Variants in EXOC3L2 observed in about 807,000 individuals in gnomAD.
EXOC3L2 encodes exocyst complex component 3-like protein 2.
A neutral mutation model predicts 44.4 loss-of-function variants in EXOC3L2; 17 were observed. That is an observed-to-expected ratio of 0.38 (90% CI 0.26 to 0.57). The LOEUF is 0.57. Ranked by LOEUF, EXOC3L2 falls within the 20% of genes least tolerant of loss-of-function variation. The probability of loss-of-function intolerance (pLI) is 0.65; values close to 1 mark genes in which losing one functional copy is unlikely to be tolerated. For missense variants in EXOC3L2, 541 were observed against 588.4 expected (o/e 0.92, Z 0.83); for synonymous variants, 256 against 253.7 (o/e 1.01, Z -0.09).
intron 4 of EXOC3L2, 89 bp downstream of exon 4, chr19:45,231,674 G>T: frequency 8.8e-7 from 1 of 1,132,148 alleles, no homozygotes; most frequent in Non-Finnish European, 1.3e-6. Context: ...TGGAAAGAGT[G>T]AAAGGTGGAG....
At chr19:45,217,503 C>T in intron 10 of EXOC3L2, 25 bp downstream of exon 10, 1 of 1,560,814 alleles carries the variant, frequency 6.4e-7, no homozygotes, top group Non-Finnish European at 8.6e-7. Context: ...TTCTGAAACA[C>T]CCCCAACCGC....
intron 8 of EXOC3L2, 34 bp from the exon 9 acceptor site, chr19:45,218,353 T>TTGCCC: frequency 2.0e-6 from 3 of 1,495,094 alleles, no homozygotes; most frequent in Non-Finnish European, 1.8e-6. Flanking sequence ...CACGCTCTCC[T>TTGCCC]CCCTCCCACC....
chr19:45,237,575 A>C (rs1296832964), intron 2 of EXOC3L2, among the ~76,000 whole-genome samples: 1 of 152,144 alleles, frequency 6.6e-6, no homozygotes, highest in African/African-American at 2.4e-5. Context: ...TCTCAGATAG[A>C]GACTGATGGT....
chr19:45,229,312 G>A (rs1452194323), intron 4 of EXOC3L2, among the ~76,000 whole-genome samples: 4 of 117,258 alleles, frequency 3.4e-5, no homozygotes, highest in African/African-American at 1.1e-4. Flanking sequence ...ATATATTTAT[G>A]TATTAAATAT....
At chr19:45,231,053 C>T (rs1970026138) in intron 4 of EXOC3L2, among the ~76,000 whole-genome samples, 1 of 151,966 alleles carries the variant, frequency 6.6e-6, no homozygotes, top group Non-Finnish European at 1.5e-5. Flanking sequence ...CATGCCACTG[C>T]ACTCCAGCCT....
chr19:45,236,382 C>T (rs991069018), intron 2 of EXOC3L2, among the ~76,000 whole-genome samples: 1 of 139,864 alleles, frequency 7.1e-6, no homozygotes, highest in African/African-American at 2.6e-5. Context: ...AGGAGAATTG[C>T]TTGAACCCAG....
At chr19:45,216,674 A>C (rs1364359110) in intron 10 of EXOC3L2, 1 of 153,102 alleles carries the variant, frequency 6.5e-6, no homozygotes, top group African/African-American at 2.4e-5. Context: ...ATCTCCTCCC[A>C]GTTTTGCAGG....
intron 1 of EXOC3L2, among the ~76,000 whole-genome samples, chr19:45,239,890 C>T (rs1970116910): frequency 6.6e-6 from 1 of 151,978 alleles, no homozygotes; most frequent in African/African-American, 2.4e-5. Flanking sequence ...GGAAGGCTCC[C>T]TCCCAAGATG....
chr19:45,231,905 T>G, intron 3 of EXOC3L2, 31 bp from the exon 4 acceptor site: 1 of 1,500,634 alleles, frequency 6.7e-7, no homozygotes. Flanking sequence ...AAAGGAGGTC[T>G]GTGAAAAGTG....
intron 7 of EXOC3L2, among the ~76,000 whole-genome samples, chr19:45,225,988 C>T (rs1414618419): frequency 6.6e-6 from 1 of 152,160 alleles, no homozygotes; most frequent in Non-Finnish European, 1.5e-5. Flanking sequence ...CACTTCTGCC[C>T]TTTCCTTCAA....
intron 4 of EXOC3L2, among the ~76,000 whole-genome samples, chr19:45,231,457 CAA>C (rs34610401): frequency 3.2e-3 from 198 of 61,252 alleles, no homozygotes; most frequent in Admixed American, 8.3e-3. Flanking sequence ...GACCCTGCCT[CAA>C]AAAAAAAAAA....
chr19:45,217,402 G>A, intron 10 of EXOC3L2, 126 bp downstream of exon 10: 4 of 1,218,594 alleles, frequency 3.3e-6, no homozygotes, highest in South Asian at 1.8e-5. Context: ...CTATTGACCC[G>A]AAGTTGGGTG....
At chr19:45,240,015 C>G (rs1180377988) in intron 1 of EXOC3L2, among the ~76,000 whole-genome samples, 1 of 151,998 alleles carries the variant, frequency 6.6e-6, no homozygotes, top group Non-Finnish European at 1.5e-5. Context: ...TTCATTTCTC[C>G]TGTTTGATTT....
chr19:45,236,465 C>CAAAA (rs34024056), intron 2 of EXOC3L2, among the ~76,000 whole-genome samples: 660 of 44,950 alleles, frequency 0.015, 52 homozygotes, highest in Non-Finnish European at 0.021. Flanking sequence ...GACTCCATCT[C>CAAAA]AAAAAAAAAA....
rs1970102382 is a variant in EXOC3L2 at position 45,238,458 on chromosome 19, C to G, written c.523+65G>C. 1 of 399,454 alleles carries G rather than the reference C, an allele frequency of 2.5e-6. No individual in the cohort carries two copies. Among genetic ancestry groups the G allele is most frequent in the Non-Finnish European group, 4.4e-6 (1 of 226,168 alleles). 24.7% of individuals were successfully genotyped at this position (399,454 alleles called of 1,614,324 possible). A position where few individuals can be genotyped will look rare whatever the true frequency, so the allele number is the denominator to read the frequency against. Reference sequence around the variant, plus strand: ...GGCTTAAGTATGAAGCCTGGGACCACCAGGGCTGGGGATGGACATGGGCAC... The same window carrying G: ...GGCTTAAGTATGAAGCCTGGGACCAGCAGGGCTGGGGATGGACATGGGCAC... On this transcript the variant is annotated intron_variant, in intron 2 of 11. Coordinates refer to ENST00000413988, the MANE Select transcript of EXOC3L2 (RefSeq NM_001382422.1). This position sits in a 1 kb window ranked among gnomAD's most constrained non-coding sequence, Gnocchi z 5.5.
rs375095520 is a variant in EXOC3L2 at position 45,213,285 on chromosome 19, G to C, written c.2193C>G (p.Ala731=). The change falls in exon 12 of 12, where the codon GCC becomes GCG. Residue 731 remains alanine (A), a synonymous_variant. Transcript: ENST00000413988. ...RNTAARQEIL[A]VARDLELSEE... is the part of the protein sequence containing the mutation. ...CAGAGAGTTCCAGGTCCCGGGCCAC[G>C]GCCAGGATCTCCTGGCGGGCGGCTG... The C allele has an allele frequency of 1.5e-5, 25 of 1,613,648 alleles. No individual in the cohort carries two copies. Among genetic ancestry groups the C allele is most frequent in the Admixed American group, 3.3e-5 (2 of 59,952 alleles).
rs764208057 is a variant in EXOC3L2 at position 45,231,870 on chromosome 19, C to A, written c.1162G>T (p.Val388Phe). The change falls in exon 4 of 12, where the codon GTC (valine) becomes TTC (phenylalanine). Residue 388 changes from valine to phenylalanine, a missense_variant. Physicochemically the swap from Val to Phe is conservative, Grantham distance 50. Coordinates refer to ENST00000413988, the MANE Select transcript of EXOC3L2 (RefSeq NM_001382422.1). ...HWHNQVYPRE[V>F]LGLVDMAALE... is the part of the protein sequence containing the mutation. ...GCGGCCATGTCCACCAGCCCTAGGA[C>A]CTCTCTGGGGATGGGGGTGAGAGAA... 6.3e-7 allele frequency: 1 copy of A among 1,590,014 alleles called. No individual in the cohort carries two copies. Among genetic ancestry groups the A allele is most frequent in the South Asian group, 1.1e-5 (1 of 90,082 alleles).
chr19:45,217,201 AAGGAGTTTTAACTCTGAGCC>A (rs1288909312), intron 10 of EXOC3L2, among the ~76,000 whole-genome samples: 3 of 152,036 alleles, frequency 2.0e-5, no homozygotes. Context: ...TTGGTAATGC[AAGGAGTTTTAACTCTGAGCC>A]AGGCACTGTC....
chr19:45,232,327 G>A (rs1352039286), intron 3 of EXOC3L2, among the ~76,000 whole-genome samples: 5 of 152,078 alleles, frequency 3.3e-5, no homozygotes, highest in Admixed American at 6.6e-5. Context: ...TGGGCTCATG[G>A]CATCCTCTCA....
Sources: gnomAD v4.1 joint callset for allele counts (sites outside exome capture counted in the v4.1 genomes callset) on GRCh38, gnomAD v4.1.1 for gene constraint, Gnocchi (gnomAD v3.1) non-coding constraint, MANE v1.5 for transcripts, NCBI Gene and HGNC (gene_info 2026-07-23, HGNC 2026-07-21) for gene names.